Variants in USP48 observed in about 807,000 individuals in gnomAD.
USP48 encodes ubiquitin specific peptidase 48.
Under a neutral mutation model 150.7 loss-of-function variants are expected in USP48, and 43 were observed. The ratio of observed to expected loss-of-function variants is 0.29; its 90% confidence interval spans 0.22 to 0.37. The LOEUF (loss-of-function observed/expected upper bound fraction) is 0.37, where lower values mean the gene tolerates loss of function less well. Among genes scored for constraint, USP48 ranks in the 10% least tolerant of loss-of-function variants. USP48 has a pLI of 1.00. For missense variants in USP48, 813 were observed against 1,249.6 expected (o/e 0.65, Z 5.27); for synonymous variants, 396 against 425.9 (o/e 0.93, Z 0.86).
At chr1:21,758,182 T>TAA (rs1158217490) in intron 1 of USP48, among the ~76,000 whole-genome samples, 1 of 83,264 alleles carries the variant, frequency 1.2e-5, no homozygotes, top group Non-Finnish European at 2.4e-5. Context: ...TATGCAACTG[T>TAA]AAAACACACA....
At chr1:21,763,631 T>C (rs1336274940) in intron 1 of USP48, among the ~76,000 whole-genome samples, 4 of 152,168 alleles carry the variant, frequency 2.6e-5, no homozygotes, top group African/African-American at 9.7e-5. Context: ...CTGGCTGACA[T>C]AGAGAAACCT....
intron 14 of USP48, among the ~76,000 whole-genome samples, chr1:21,716,892 G>T (rs921468161): frequency 6.6e-6 from 1 of 152,148 alleles, no homozygotes; most frequent in Non-Finnish European, 1.5e-5. Flanking sequence ...GCCAGGCATG[G>T]TGGCGGGCCC....
chr1:21,736,965 T>C (rs1185799481), intron 8 of USP48, among the ~76,000 whole-genome samples: 1 of 152,148 alleles, frequency 6.6e-6, no homozygotes, highest in Non-Finnish European at 1.5e-5. Flanking sequence ...TTCCCAAGAA[T>C]CGGCTGTTCA....
In USP48 at chr1:21,747,113, A is replaced by G. The variant is rs1477732547; in HGVS notation, c.945T>C (p.Ile315=). The G allele has an allele frequency of 1.9e-6, 3 of 1,611,914 alleles. No individual in the cohort carries two copies. The highest frequency in any genetic ancestry group is 2.2e-5 in the East Asian group (1 of 44,778). The change falls in exon 8 of 27, where the codon ATT becomes ATC. Residue 315 remains isoleucine (I), a synonymous_variant. Transcript: ENST00000308271. The part of the protein sequence containing the change: ...TGHKKKLNTY[I]GFSEILDMEP... ...CCATATCCAAAATTTCTGAGAAGCCAATGTAGGTATTCAGCTTTTTCTTAT... is the reference window on the plus strand; with the variant it reads ...CCATATCCAAAATTTCTGAGAAGCCGATGTAGGTATTCAGCTTTTTCTTAT...
chr1:21,740,868 G>A (rs114054970), intron 8 of USP48, among the ~76,000 whole-genome samples: 3,733 of 152,278 alleles, frequency 0.025, 64 homozygotes, highest in Non-Finnish European at 0.038. Context: ...CACAGTCACC[G>A]ACAGTCAAAA....
intron 12 of USP48, among the ~76,000 whole-genome samples, chr1:21,722,084 G>T (rs1471955361): frequency 6.6e-6 from 1 of 151,878 alleles, no homozygotes; most frequent in African/African-American, 2.4e-5. Flanking sequence ...AAGGTGGGGG[G>T]GTTAAATATA....
rs370287821 is a variant in USP48 at position 21,772,690 on chromosome 1, G to A, written c.134+10134C>T. On this transcript the variant is annotated intron_variant, in intron 1 of 26. Coordinates refer to ENST00000308271, the MANE Select transcript of USP48 (RefSeq NM_032236.8). ...TAATCCCAGCACTTTGAGAGGCCAA[G>A]GCAGGTGGATCACCTGAGGTCAGGT... Among the ~76,000 whole-genome samples the A allele has an allele frequency of 4.0e-5, 6 of 151,718 alleles. No homozygotes were observed. The East Asian group carries it at 1.2e-3, about 29-fold the overall frequency.
At chr1:21,774,166 G>A (rs934388155) in intron 1 of USP48, among the ~76,000 whole-genome samples, 4 of 144,746 alleles carry the variant, frequency 2.8e-5, no homozygotes, top group Admixed American at 6.9e-5. Context: ...GTGACAGAGC[G>A]AGACTCCGTC....
chr1:21,738,346 C>A (rs745961885), intron 8 of USP48, among the ~76,000 whole-genome samples: 17 of 147,778 alleles, frequency 1.2e-4, no homozygotes, highest in Non-Finnish European at 2.4e-4. Context: ...GCATAAGCCA[C>A]CACGCCTGGC....
intron 1 of USP48, among the ~76,000 whole-genome samples, chr1:21,774,159 A>T (rs1340041031): frequency 6.7e-6 from 1 of 149,270 alleles, no homozygotes; most frequent in African/African-American, 2.5e-5. Flanking sequence ...AGCCTGGGTG[A>T]CAGAGCGAGA....
chr1:21,765,117 C>T (rs570497453), intron 1 of USP48, among the ~76,000 whole-genome samples: 2 of 152,264 alleles, frequency 1.3e-5, no homozygotes, highest in South Asian at 4.1e-4. Flanking sequence ...ACAGGTCCAC[C>T]AAACTTGAGT....
chr1:21,740,372 TAGA>T (rs992534323), intron 8 of USP48, among the ~76,000 whole-genome samples: 1 of 152,240 alleles, frequency 6.6e-6, no homozygotes, highest in African/African-American at 2.4e-5. Flanking sequence ...TTCTTTGGTT[TAGA>T]AGATTATCAA....
At chr1:21,694,655 A>G (rs564598594) in intron 23 of USP48, among the ~76,000 whole-genome samples, 1 of 147,680 alleles carries the variant, frequency 6.8e-6, no homozygotes, top group South Asian at 2.2e-4. Context: ...AAATACTGTG[A>G]CAGCCTAGTG....
chr1:21,717,832 T>C (rs968935216), intron 14 of USP48, among the ~76,000 whole-genome samples: 3 of 151,988 alleles, frequency 2.0e-5, no homozygotes, highest in Non-Finnish European at 4.4e-5. Context: ...TGCATGCCTG[T>C]AATCCCAGCT....
At chr1:21,686,280 G>C (rs923203095) in intron 25 of USP48, 1 of 152,180 alleles carries the variant, frequency 6.6e-6, no homozygotes, top group Admixed American at 6.5e-5. Context: ...TAGAGGAAAG[G>C]CTTTAAGCTT....
At chr1:21,744,309 G>A (rs1184184557) in intron 8 of USP48, among the ~76,000 whole-genome samples, 2 of 151,912 alleles carry the variant, frequency 1.3e-5, no homozygotes, top group Admixed American at 6.6e-5. Flanking sequence ...AGCCAGGTAC[G>A]ATGGCATGCG....
At chr1:21,775,497 C>A (rs1474485016) in intron 1 of USP48, among the ~76,000 whole-genome samples, 1 of 152,134 alleles carries the variant, frequency 6.6e-6, no homozygotes, top group Non-Finnish European at 1.5e-5. Flanking sequence ...TCAAGTAATC[C>A]TCCCACCTCG....
intron 11 of USP48, among the ~76,000 whole-genome samples, chr1:21,727,197 A>C (rs939328229): frequency 6.6e-6 from 1 of 152,204 alleles, no homozygotes; most frequent in African/African-American, 2.4e-5. Context: ...AAAATGCATA[A>C]CAAAAGACTT....
At chr1:21,760,677 C>A (rs1371087504) in intron 1 of USP48, among the ~76,000 whole-genome samples, 1 of 151,818 alleles carries the variant, frequency 6.6e-6, no homozygotes, top group East Asian at 1.9e-4. Flanking sequence ...GATCGTGCCA[C>A]TGCACTCCAG....
Sources: allele counts gnomAD v4.1 joint callset (sites outside exome capture counted in the v4.1 genomes callset), GRCh38; gene constraint gnomAD v4.1.1; transcripts MANE v1.5; gene names NCBI Gene and HGNC (gene_info 2026-07-23, HGNC 2026-07-21).